Variants in CCDC170 observed in about 807,000 individuals in gnomAD.
CCDC170 encodes the protein coiled-coil domain-containing protein 170.
CCDC170 carries 69 observed loss-of-function variants against 72.6 expected under a neutral mutation model. The observed-to-expected ratio is 0.95, with a 90% CI of 0.78 to 1.16. The LOEUF (loss-of-function observed/expected upper bound fraction) is 1.16. CCDC170 is among the 50% of genes most tolerant of loss of function. The pLI is 0.00. For synonymous variants in CCDC170, 300 were observed against 303.9 expected (o/e 0.99, Z 0.13); for missense variants, 852 against 832.5 (o/e 1.02, Z -0.29).
intron 1 of CCDC170, among the ~76,000 whole-genome samples, chr6:151,525,519 A>C (rs1782390851): frequency 6.6e-6 from 1 of 152,184 alleles, no homozygotes; most frequent in Non-Finnish European, 1.5e-5. Flanking sequence ...ATATTTCCCC[A>C]CCCTTAAGAA....
intron 6 of CCDC170, among the ~76,000 whole-genome samples, chr6:151,576,655 A>G (rs1188165556): frequency 6.6e-6 from 1 of 152,082 alleles, no homozygotes; most frequent in East Asian, 1.9e-4. Flanking sequence ...TTTTTTCAAT[A>G]GCTGCCCTCC....
intron 5 of CCDC170, among the ~76,000 whole-genome samples, chr6:151,560,720 C>G (rs1452217360): frequency 6.6e-6 from 1 of 152,084 alleles, no homozygotes; most frequent in African/African-American, 2.4e-5. Context: ...TAGTTCTTTT[C>G]TTTTTCTTCT....
chr6:151,526,640 T>A (rs1371959295), intron 1 of CCDC170, among the ~76,000 whole-genome samples: 4 of 151,622 alleles, frequency 2.6e-5, no homozygotes, highest in Admixed American at 1.3e-4. Flanking sequence ...CTCAGCCTCC[T>A]GAGTAGCTGG....
At chr6:151,522,020 C>T (rs995150512) in intron 1 of CCDC170, among the ~76,000 whole-genome samples, 2 of 147,498 alleles carry the variant, frequency 1.4e-5, no homozygotes, top group Non-Finnish European at 3.0e-5. Context: ...ATTTGTTGGG[C>T]ATGTTGGCAT....
intron 1 of CCDC170, among the ~76,000 whole-genome samples, chr6:151,525,123 A>C (rs775764768): frequency 6.6e-6 from 1 of 152,028 alleles, no homozygotes; most frequent in African/African-American, 2.4e-5. Flanking sequence ...TAGTAGAGAC[A>C]GGGTTTCACT....
chr6:151,617,408 CTTTTTTTTTTTTTT>C (rs745655791), intron 10 of CCDC170, among the ~76,000 whole-genome samples: 2 of 91,474 alleles, frequency 2.2e-5, no homozygotes, highest in African/African-American at 3.9e-5. Flanking sequence ...GCTGTTTGTT[CTTTTTTTTTTTTTT>C]TTTTTTTTTT....
intron 1 of CCDC170, among the ~76,000 whole-genome samples, chr6:151,509,398 A>C (rs916850770): frequency 2.6e-5 from 4 of 152,106 alleles, no homozygotes; most frequent in African/African-American, 9.7e-5. Context: ...GCTATACCCA[A>C]TACCTCCCAT....
chr6:151,582,658 C>T (rs1226641854), intron 6 of CCDC170, among the ~76,000 whole-genome samples: 5 of 152,132 alleles, frequency 3.3e-5, no homozygotes, highest in Non-Finnish European at 7.3e-5. Context: ...ACAAGAAGCA[C>T]AGTGCCATCT....
chr6:151,507,659 A>T (rs1187493454), intron 1 of CCDC170, among the ~76,000 whole-genome samples: 1 of 152,194 alleles, frequency 6.6e-6, no homozygotes, highest in Non-Finnish European at 1.5e-5. Flanking sequence ...GCAGTGGCTC[A>T]TGCCTGTAAT....
At chr6:151,613,878 G>A (rs1318561719) in intron 9 of CCDC170, among the ~76,000 whole-genome samples, 2 of 152,198 alleles carry the variant, frequency 1.3e-5, no homozygotes, top group African/African-American at 4.8e-5. Flanking sequence ...GCTGGGTCAT[G>A]TGGTAATTCT....
intron 1 of CCDC170, among the ~76,000 whole-genome samples, chr6:151,524,929 C>CTT (rs34288029): frequency 0.045 from 4,976 of 109,912 alleles, 467 homozygotes; most frequent in African/African-American, 0.13. Context: ...TAGTCTGATT[C>CTT]TTTTTTTTTT....
chr6:151,553,354 G>A (rs1025654093), intron 5 of CCDC170, among the ~76,000 whole-genome samples: 3 of 151,990 alleles, frequency 2.0e-5, no homozygotes, highest in African/African-American at 4.8e-5. Context: ...CTACATACAA[G>A]TCTGATGCCA....
At chr6:151,529,768 T>C (rs1782468052) in intron 1 of CCDC170, among the ~76,000 whole-genome samples, 1 of 152,186 alleles carries the variant, frequency 6.6e-6, no homozygotes, top group African/African-American at 2.4e-5. Flanking sequence ...AGCGGCAGTG[T>C]CTTAGTCCAG....
intron 8 of CCDC170, among the ~76,000 whole-genome samples, chr6:151,595,140 AC>A (rs1007883302): frequency 1.3e-5 from 2 of 152,146 alleles, no homozygotes; most frequent in African/African-American, 4.8e-5. Flanking sequence ...AATTAGGGGA[AC>A]TTTGATGGTC....
At chr6:151,525,014 A>AGG (rs1562271021) in intron 1 of CCDC170, among the ~76,000 whole-genome samples, 1 of 145,556 alleles carries the variant, frequency 6.9e-6, no homozygotes, top group East Asian at 2.1e-4. Flanking sequence ...CTCACTGCAA[A>AGG]CTCCGCCTCC....
At chr6:151,559,716 T>C (rs1479612547) in intron 5 of CCDC170, among the ~76,000 whole-genome samples, 1 of 152,210 alleles carries the variant, frequency 6.6e-6, no homozygotes, top group Non-Finnish European at 1.5e-5. Flanking sequence ...CTGATTTCTC[T>C]GGCTAGGATT....
At chr6:151,536,723 C>T (rs955582483) in intron 2 of CCDC170, among the ~76,000 whole-genome samples, 3 of 123,696 alleles carry the variant, frequency 2.4e-5, no homozygotes, top group Non-Finnish European at 4.7e-5. Flanking sequence ...TGCAGTGAGG[C>T]GAGATCACAG....
At chr6:151,516,541 C>T (rs974765239) in intron 1 of CCDC170, among the ~76,000 whole-genome samples, 7 of 151,992 alleles carry the variant, frequency 4.6e-5, no homozygotes, top group African/African-American at 1.2e-4. Context: ...AGGGTAAATA[C>T]CCAGGGTTTG....
intron 7 of CCDC170, among the ~76,000 whole-genome samples, chr6:151,588,262 C>G (rs1380836057): frequency 6.6e-6 from 1 of 152,064 alleles, no homozygotes; most frequent in African/African-American, 2.4e-5. Context: ...TTGTCTTGGG[C>G]CACACGTAAA....
Sources: allele counts gnomAD v4.1 joint callset (sites outside exome capture counted in the v4.1 genomes callset), GRCh38; gene constraint gnomAD v4.1.1; transcripts MANE v1.5; gene names NCBI Gene and HGNC (gene_info 2026-07-23, HGNC 2026-07-21).